MILR1: variants seen among roughly 807,000 people sequenced by gnomAD.
The protein encoded by MILR1 is allergin-1.
In MILR1, 31 loss-of-function variants were observed where a neutral mutation model predicts 18.5. The ratio of observed to expected loss-of-function variants is 1.68; its 90% CI spans 1.26 to 2.26. MILR1 has a LOEUF of 2.26. Ranked by LOEUF, MILR1 falls within the 30% of genes most tolerant of loss-of-function variation. The pLI is 0.00. For synonymous variants in MILR1, 85 were observed against 56.2 expected (o/e 1.51, Z -2.30); for missense variants, 257 against 157.4 (o/e 1.63, Z -3.38).
chr17:64,480,308 A>G, the MILR1 span: 4 of 1,565,294 alleles, frequency 2.6e-6, no homozygotes, highest in Non-Finnish European at 3.5e-6. Context: ...AGTTGTTCCA[A>G]TGAGGACTGC....
chr17:64,497,313 T>G, the MILR1 span, among the ~76,000 whole-genome samples: 1 of 152,404 alleles, frequency 6.6e-6, no homozygotes, highest in South Asian at 2.1e-4. Context: ...CTTCTGCCAC[T>G]GTTTTGCAGT....
At chr17:64,493,588 C>T in the MILR1 span, among the ~76,000 whole-genome samples, 1 of 151,984 alleles carries the variant, frequency 6.6e-6, no homozygotes, top group Non-Finnish European at 1.5e-5. Flanking sequence ...GGGTTCATGC[C>T]ATTCTCCTGC....
chr17:64,470,701 G>T (rs570076755), downstream of MILR1, among the ~76,000 whole-genome samples: 1 of 152,122 alleles, frequency 6.6e-6, no homozygotes, highest in Non-Finnish European at 1.5e-5. Context: ...CCACCCTTTC[G>T]ATCAGATCCT....
chr17:64,482,778 G>C, the MILR1 span: 2 of 637,732 alleles, frequency 3.1e-6, no homozygotes, highest in Non-Finnish European at 5.7e-6. Flanking sequence ...ATGCTCATCA[G>C]AACATTTAAG....
At chr17:64,479,215 G>A in the MILR1 span, among the ~76,000 whole-genome samples, 3 of 137,506 alleles carry the variant, frequency 2.2e-5, no homozygotes, top group East Asian at 2.1e-4. Flanking sequence ...AAGGAGTCTC[G>A]CTCTGTCACC....
At chr17:64,485,561 G>A in the MILR1 span, 4 of 643,278 alleles carry the variant, frequency 6.2e-6, no homozygotes, top group Non-Finnish European at 1.1e-5. Flanking sequence ...GTGAGAACCT[G>A]ATTCTTATTC....
intron 6 of MILR1, 104 bp from the exon 7 acceptor site, chr17:64,466,338 C>T (rs2037559165): frequency 1.1e-6 from 1 of 918,412 alleles, no homozygotes. Flanking sequence ...ATGGAACAGT[C>T]CCAGCCTACA....
At chr17:64,462,643 CTTT>C (rs1326810820) in intron 5 of MILR1, among the ~76,000 whole-genome samples, 1 of 142,430 alleles carries the variant, frequency 7.0e-6, no homozygotes, top group Admixed American at 7.1e-5. Context: ...CCCACAATTA[CTTT>C]TTTTTTTTTT....
intron 3 of MILR1, among the ~76,000 whole-genome samples, chr17:64,455,319 G>A (rs2037267002): frequency 6.6e-6 from 1 of 152,074 alleles, no homozygotes; most frequent in African/African-American, 2.4e-5. Flanking sequence ...TAGGCACTAC[G>A]GAGTACCTAC....
At chr17:64,478,871 G>T in the MILR1 span, among the ~76,000 whole-genome samples, 1 of 152,026 alleles carries the variant, frequency 6.6e-6, no homozygotes, top group Non-Finnish European at 1.5e-5. Context: ...CACCAGCCCG[G>T]GCGACAGTGC....
At chr17:64,475,979 A>G in the MILR1 span, among the ~76,000 whole-genome samples, 9 of 151,306 alleles carry the variant, frequency 5.9e-5, no homozygotes, top group Non-Finnish European at 1.2e-4. Flanking sequence ...ACGCCCAGCT[A>G]ATTTTTTGTA....
At chr17:64,491,910 G>T in the MILR1 span, 6 of 132,806 alleles carry the variant, frequency 4.5e-5, no homozygotes, top group South Asian at 2.1e-4. Flanking sequence ...CCAAATAAAA[G>T]ATGACTGGTA....
At chr17:64,473,418 G>C (rs938087340), downstream of MILR1, among the ~76,000 whole-genome samples, 1 of 151,626 alleles carries the variant, frequency 6.6e-6, no homozygotes, top group Non-Finnish European at 1.5e-5. Flanking sequence ...TTAAAGGGGA[G>C]ACCTGGCCAG....
chr17:64,472,860 C>A (rs942969036), downstream of MILR1, among the ~76,000 whole-genome samples: 1 of 152,110 alleles, frequency 6.6e-6, no homozygotes, highest in Admixed American at 6.6e-5. Flanking sequence ...TATGAAGTTT[C>A]ATAATATTAT....
At chr17:64,474,723 C>G in the MILR1 span, among the ~76,000 whole-genome samples, 2 of 151,896 alleles carry the variant, frequency 1.3e-5, no homozygotes, top group Non-Finnish European at 2.9e-5. Flanking sequence ...TTTGCTAGCT[C>G]TTAATACTGG....
At chr17:64,453,091 CAG>C (rs1362505422) in intron 3 of MILR1, among the ~76,000 whole-genome samples, 1 of 140,550 alleles carries the variant, frequency 7.1e-6, no homozygotes, top group East Asian at 2.1e-4. Flanking sequence ...TTTTTTGAAA[CAG>C]AGTCTCACTC....
chr17:64,497,153 C>G, the MILR1 span: 1 of 671,394 alleles, frequency 1.5e-6, no homozygotes, highest in Non-Finnish European at 2.7e-6. Flanking sequence ...CCCCGCCCAC[C>G]ATGGCGGACG....
chr17:64,477,132 G>C, the MILR1 span, among the ~76,000 whole-genome samples: 2 of 152,134 alleles, frequency 1.3e-5, no homozygotes, highest in Admixed American at 6.6e-5. Context: ...TTTGATATCT[G>C]ACAGTATAGA....
chr17:64,478,283 A>G, the MILR1 span, among the ~76,000 whole-genome samples: 1 of 137,232 alleles, frequency 7.3e-6, no homozygotes, highest in Admixed American at 7.0e-5. Flanking sequence ...AGAACCGCAT[A>G]ATAACCTCAG....
Sources: allele counts gnomAD v4.1 joint callset (sites outside exome capture counted in the v4.1 genomes callset), GRCh38; gene constraint gnomAD v4.1.1; transcripts MANE v1.5; gene names NCBI Gene and HGNC (gene_info 2026-07-23, HGNC 2026-07-21).